ORMDL3: variants seen among roughly 807,000 people sequenced by gnomAD.
ORMDL3 encodes the protein ORM1-like protein 3.
In ORMDL3, 6 loss-of-function variants were observed where a neutral mutation model predicts 12.6. The observed-to-expected ratio is 0.48, with a 90% confidence interval of 0.26 to 0.94. The LOEUF is 0.94. Among genes scored for constraint, ORMDL3 ranks in the 40% least tolerant of loss-of-function variants. The probability of loss-of-function intolerance (pLI) is 0.14; values close to 1 mark genes in which losing one functional copy is unlikely to be tolerated. For missense variants in ORMDL3, 159 were observed against 205.5 expected, an observed-to-expected ratio of 0.77 and a Z score of 1.38; for synonymous variants, 99 against 87.2, an observed-to-expected ratio of 1.14 and a Z score of -0.75.
chr17:39,923,671 T>C (rs1056660571), intron 2 of ORMDL3, among the ~76,000 whole-genome samples: 4 of 152,110 alleles, frequency 2.6e-5, no homozygotes, highest in Admixed American at 6.5e-5. Flanking sequence ...AGAAGCTAAC[T>C]TGAGAAAGGG....
rs191853005 is a variant in ORMDL3, at chr17:39,923,069, C to T, written c.326+43G>A. 5.5e-4 allele frequency: 893 copies of T among 1,612,148 alleles called. 6 individuals carry two copies. The African/African-American group carries it at 0.011, about 19-fold the overall frequency. On this transcript the variant is annotated intron_variant, in intron 3 of 3. Coordinates refer to ENST00000304046, the MANE Select transcript of ORMDL3 (RefSeq NM_139280.4). ...GGCTGGGCCCTGGGGTCCTCCAGGC[C>T]TTGCCCTGCCTGCTGGTGTCTTCCT...
At chr17:39,926,692 A>G in intron 1 of ORMDL3, 1 of 789,208 alleles carries the variant, frequency 1.3e-6, no homozygotes. Context: ...GGCTCCACAT[A>G]CAAATATCCG....
Position 39,927,077 on chromosome 17 carries a change from G to A in ORMDL3, c.-23+407C>T, listed in dbSNP as rs1187949340. 1.1e-5 allele frequency: 10 copies of A among 909,866 alleles called. No homozygotes were observed. The East Asian group carries it at 9.5e-4, about 86-fold the overall frequency. 56.4% of individuals were successfully genotyped at this position (909,866 alleles called of 1,614,324 possible). On this transcript the variant is annotated intron_variant, in intron 1 of 3. Coordinates refer to ENST00000304046, the MANE Select transcript of ORMDL3 (RefSeq NM_139280.4). ...AGGCGGAGTCCTCACTGTTGTTGGG[G>A]TTTTCTGAGTGAGACCTCGGGTGCG... is the stretch of plus-strand genomic sequence containing the variant.
At position 39,926,709 on chromosome 17, in the gene ORMDL3, GC is replaced by G. The variant is rs1321750349; in HGVS notation, c.-23+774del. ...CTCCACATACAAATATCCGGGCCCA[GC>G]CAGTATGCCAGACACTCAAGCCAAG... On this transcript the variant is annotated intron_variant, in intron 1 of 3. Transcript: ENST00000304046. The G allele has an allele frequency of 3.2e-5, 28 of 867,200 alleles. No individual in the cohort carries two copies. In the Middle Eastern group the frequency reaches 2.9e-3, roughly 91 times the overall value. The allele number at this position is 867,200 out of a possible 1,614,324, so 53.7% of individuals were successfully genotyped here.
chr17:39,925,749 C>T (rs1568113133), intron 1 of ORMDL3: 1 of 152,216 alleles, frequency 6.6e-6, no homozygotes, highest in Non-Finnish European at 1.5e-5. Flanking sequence ...ACACGCCATC[C>T]CAACAAGCAA....
In ORMDL3 at chr17:39,927,484, C is replaced by A; in HGVS notation, c.-23G>T. Reference sequence around the variant, plus strand: ...GCCTCTTGGTTCCTTCCGGGCTCACCGTGTGGGGCCGAAGATCAACGGCCC... The same window carrying A: ...GCCTCTTGGTTCCTTCCGGGCTCACAGTGTGGGGCCGAAGATCAACGGCCC... On this transcript the variant is annotated splice_region_variant and 5_prime_UTR_variant, in exon 1 of 4. Transcript: ENST00000304046. 1 of 985,366 alleles carries A rather than the reference C, an allele frequency of 1.0e-6. No individual in the cohort carries two copies. The highest frequency in any genetic ancestry group is 6.1e-5 in the Admixed American group (1 of 16,280). 61.0% of individuals were successfully genotyped at this position (985,366 alleles called of 1,614,324 possible).
At position 39,923,015 on chromosome 17, in the gene ORMDL3, C is replaced by T. The variant is rs369509549; in HGVS notation, c.326+97G>A. 36 of 1,497,426 alleles carry T rather than the reference C, an allele frequency of 2.4e-5. No homozygotes were observed. The South Asian group carries it at 4.2e-4, about 18-fold the overall frequency. 92.8% of individuals were successfully genotyped at this position (1,497,426 alleles called of 1,614,324 possible). A position where few individuals can be genotyped will look rare whatever the true frequency, so the allele number is the denominator to read the frequency against. On this transcript the variant is annotated intron_variant, in intron 3 of 3. Coordinates refer to ENST00000304046, the MANE Select transcript of ORMDL3 (RefSeq NM_139280.4). ...CCAACTTCCTCTGTTCATCCCTACA[C>T]CAGGAGCCACGGCAGGGTTAATAAG...
chr17:39,923,884 G>A, intron 2 of ORMDL3, 146 bp downstream of exon 2: 2 of 793,242 alleles, frequency 2.5e-6, no homozygotes, highest in East Asian at 2.8e-5. Flanking sequence ...TAAGGGCTAG[G>A]CCTGGGCTCT....
intron 1 of ORMDL3, chr17:39,926,682 G>T: frequency 2.7e-5 from 18 of 656,450 alleles, no homozygotes; most frequent in Non-Finnish European, 3.2e-5. Flanking sequence ...CCACCCTCTT[G>T]GCTCCACATA....
chr17:39,924,375 TC>T, intron 1 of ORMDL3, 150 bp from the exon 2 acceptor site: 1 of 754,224 alleles, frequency 1.3e-6, no homozygotes, highest in Non-Finnish European at 2.1e-6. Context: ...GTGGAGAAAG[TC>T]CATGTGGACT....
chr17:39,926,838 G>A, intron 1 of ORMDL3: 5 of 985,922 alleles, frequency 5.1e-6, no homozygotes, highest in Non-Finnish European at 6.0e-6. Context: ...TGGAAGAGGA[G>A]CACAAAACAT....
chr17:39,922,682 G>A lies in ORMDL3; in HGVS notation c.330C>T (p.Tyr110=), dbSNP rs946606332. ...ACTTAGTGTAGAAGCTGGTGAGGAA[G>A]TACCTGGGAGGGGAAGGGTGGGGAG... ...KFLTITPIVL[Y]FLTSFYTKYD... Residue 110 remains tyrosine (Y), a synonymous_variant, in exon 4 of 4, where the codon TAC becomes TAT. Coordinates refer to ENST00000304046, the MANE Select transcript of ORMDL3 (RefSeq NM_139280.4). 6.2e-7 allele frequency: 1 copy of A among 1,612,942 alleles called. No homozygotes were observed. Among genetic ancestry groups the A allele is most frequent in the Admixed American group, 1.7e-5 (1 of 59,970 alleles).
rs761368839 is a variant in ORMDL3 at position 39,922,654 on chromosome 17, C to G, written c.358G>C (p.Asp120His). 6.2e-7 allele frequency: 1 copy of G among 1,613,478 alleles called. No individual in the cohort carries two copies. The highest frequency in any genetic ancestry group is 1.3e-5 in the African/African-American group (1 of 74,960). Residue 120 changes from aspartate to histidine, a missense_variant, in exon 4 of 4, where the codon GAC becomes CAC. Transcript: ENST00000304046. ...YFLTSFYTKY[D>H]QIHFVLNTVS... is the part of the protein sequence containing the mutation. ...GTGTTGAGCACAAAATGGATCTGGT[C>G]GTACTTAGTGTAGAAGCTGGTGAGG... is the stretch of plus-strand genomic sequence containing the variant.
rs1978506398 is a variant in ORMDL3 at position 39,927,548 on chromosome 17, G to A, written c.-87C>T. On this transcript the variant is annotated 5_prime_UTR_variant, in exon 1 of 4. Transcript: ENST00000304046. ...GGGAGCGGGGGCCGCTGCTGCTCCA[G>A]CAGCTGTAACAACCCGCGGCTGCAG... 1 of 985,516 alleles carries A rather than the reference G, an allele frequency of 1.0e-6. No homozygotes were observed. The highest frequency in any genetic ancestry group is 1.2e-6 in the Non-Finnish European group (1 of 829,990). The allele number at this position is 985,516 out of a possible 1,614,324, so 61.0% of individuals were successfully genotyped here.
chr17:39,923,965 C>T, intron 2 of ORMDL3, 65 bp downstream of exon 2: 2 of 1,475,126 alleles, frequency 1.4e-6, no homozygotes, highest in Admixed American at 2.3e-5. Context: ...TATCCCTCAG[C>T]CCTGCCAAAG....
intron 1 of ORMDL3, chr17:39,926,462 C>T (rs1289578478): frequency 6.6e-6 from 1 of 152,310 alleles, no homozygotes; most frequent in Non-Finnish European, 1.5e-5. Context: ...GGCCCCTACC[C>T]TAGATGGGGA....
intron 3 of ORMDL3, 61 bp from the exon 4 acceptor site, chr17:39,922,746 A>G: frequency 6.4e-7 from 1 of 1,550,768 alleles, no homozygotes; most frequent in South Asian, 1.2e-5. Flanking sequence ...TTCCTCCCTC[A>G]CTTCCTGGGA....
chr17:39,923,742 T>C (rs941638921), intron 2 of ORMDL3, among the ~76,000 whole-genome samples: 8 of 152,076 alleles, frequency 5.3e-5, no homozygotes, highest in African/African-American at 1.9e-4. Context: ...CTGGAGCCCT[T>C]TGTTCAGCTC....
In ORMDL3 at chr17:39,921,155, A is replaced by G. The variant is rs1045948183; in HGVS notation, c.*1395T>C. ...TTTTAAGGTGAAAGTTCCCTATGAT[A>G]CACGGGGTGGGAGATGCAGGGTCAG... On this transcript the variant is annotated 3_prime_UTR_variant, in exon 4 of 4. Coordinates refer to ENST00000304046, the MANE Select transcript of ORMDL3 (RefSeq NM_139280.4). The G allele has an allele frequency of 1.3e-5, 2 of 152,896 alleles. No individual in the cohort carries two copies. The highest frequency in any genetic ancestry group is 6.5e-5 in the Admixed American group (1 of 15,292). 9.5% of individuals were successfully genotyped at this position (152,896 alleles called of 1,614,324 possible). A position where few individuals can be genotyped will look rare whatever the true frequency, so the allele number is the denominator to read the frequency against.
Sources: allele counts gnomAD v4.1 joint callset (sites outside exome capture counted in the v4.1 genomes callset), GRCh38; gene constraint gnomAD v4.1.1; transcripts MANE v1.5; gene names NCBI Gene and HGNC (gene_info 2026-07-23, HGNC 2026-07-21).